The following FAM13C variants were observed in gnomAD, a reference collection of about 807,000 sequenced individuals.
FAM13C encodes the protein protein FAM13C.
A neutral mutation model predicts 73.2 loss-of-function variants in FAM13C; 37 were observed. The observed-to-expected ratio is 0.51, with a 90% confidence interval of 0.39 to 0.67. The LOEUF is 0.67. Ranked by LOEUF, FAM13C falls within the 30% of genes least tolerant of loss-of-function variation. The pLI, the probability that FAM13C is intolerant of heterozygous loss-of-function variation, is 0.00. For missense variants in FAM13C, 589 were observed against 715.6 expected, an observed-to-expected ratio of 0.82 and a Z score of 2.02; for synonymous variants, 246 against 260.9, an observed-to-expected ratio of 0.94 and a Z score of 0.55.
At chr10:59,301,018 T>C (rs773347155) in intron 5 of FAM13C, 2 of 152,234 alleles carry the variant, frequency 1.3e-5, no homozygotes, top group Non-Finnish European at 2.9e-5. Flanking sequence ...GAAATGTTAT[T>C]AGGTGGTTCT....
intron 1 of FAM13C, among the ~76,000 whole-genome samples, chr10:59,358,337 C>A (rs1420293523): frequency 6.6e-6 from 1 of 152,140 alleles, no homozygotes; most frequent in East Asian, 1.9e-4. Flanking sequence ...GGGATCACAC[C>A]ACTGCACTCT....
intron 11 of FAM13C, chr10:59,254,088 A>G (rs1187200183): frequency 1.3e-5 from 5 of 385,408 alleles, no homozygotes; most frequent in Non-Finnish European, 2.3e-5. Flanking sequence ...TTCACCCAAG[A>G]TAATGAAAGC....
At chr10:59,270,196 A>T in intron 6 of FAM13C, 87 bp from the exon 7 acceptor site, 1 of 1,294,610 alleles carries the variant, frequency 7.7e-7, no homozygotes, top group Non-Finnish European at 1.1e-6. Context: ...ATAAGCATTC[A>T]TTATAATGGC....
At chr10:59,327,068 T>C (rs550100394) in intron 3 of FAM13C, among the ~76,000 whole-genome samples, 1 of 152,152 alleles carries the variant, frequency 6.6e-6, no homozygotes, top group Non-Finnish European at 1.5e-5. Context: ...AAAGGTGAAA[T>C]TTTGAACAGA....
chr10:59,333,633 T>G (rs1427993200), intron 3 of FAM13C, among the ~76,000 whole-genome samples: 8 of 152,244 alleles, frequency 5.3e-5, no homozygotes, highest in Admixed American at 5.2e-4. Context: ...TACCATGTTA[T>G]TTTCTGAAAT....
At chr10:59,297,772 T>C (rs562773670) in intron 5 of FAM13C, among the ~76,000 whole-genome samples, 2 of 152,290 alleles carry the variant, frequency 1.3e-5, no homozygotes, top group East Asian at 1.9e-4. Context: ...TATTCTGTCC[T>C]CCTAATTTTA....
intron 6 of FAM13C, among the ~76,000 whole-genome samples, chr10:59,280,701 A>C (rs1349649146): frequency 6.6e-6 from 1 of 152,206 alleles, no homozygotes; most frequent in Non-Finnish European, 1.5e-5. Context: ...AGTATCTAGA[A>C]TACAGTGTCC....
chr10:59,285,545 A>AAAT (rs1198933588), intron 5 of FAM13C, among the ~76,000 whole-genome samples: 3 of 152,232 alleles, frequency 2.0e-5, no homozygotes, highest in Non-Finnish European at 4.4e-5. Context: ...TGGGCTCCCA[A>AAAT]AATATTAAAA....
At chr10:59,340,697 A>G (rs1853378280) in intron 3 of FAM13C, among the ~76,000 whole-genome samples, 2 of 152,030 alleles carry the variant, frequency 1.3e-5, no homozygotes, top group Admixed American at 1.3e-4. Flanking sequence ...CACAGCTGTC[A>G]AAGTCTTTAT....
intron 3 of FAM13C, among the ~76,000 whole-genome samples, chr10:59,343,769 C>A (rs1300477746): frequency 6.6e-6 from 1 of 152,006 alleles, no homozygotes; most frequent in Admixed American, 6.6e-5. Flanking sequence ...TACTGGTGAC[C>A]AATGATGGTT....
intron 3 of FAM13C, among the ~76,000 whole-genome samples, chr10:59,340,162 T>G (rs560747140): frequency 6.6e-6 from 1 of 152,350 alleles, no homozygotes; most frequent in African/African-American, 2.4e-5. Flanking sequence ...AATGAACATT[T>G]CAATTACAGG....
intron 8 of FAM13C, among the ~76,000 whole-genome samples, chr10:59,265,560 A>G (rs956678262): frequency 2.0e-5 from 3 of 152,200 alleles, no homozygotes; most frequent in Admixed American, 6.5e-5. Flanking sequence ...CACCTTGTTG[A>G]ACAATGCTTC....
At chr10:59,331,353 G>A (rs1851940467) in intron 3 of FAM13C, among the ~76,000 whole-genome samples, 1 of 152,210 alleles carries the variant, frequency 6.6e-6, no homozygotes, top group Admixed American at 6.5e-5. Context: ...GAGGCAGAAT[G>A]TATCAAGGCA....
intron 4 of FAM13C, among the ~76,000 whole-genome samples, chr10:59,314,260 C>A (rs527424362): frequency 2.6e-5 from 4 of 152,300 alleles, no homozygotes; most frequent in Admixed American, 2.6e-4. Flanking sequence ...GAAGGATCTC[C>A]TCTCTTATGG....
intron 3 of FAM13C, among the ~76,000 whole-genome samples, chr10:59,348,314 C>T (rs1005631220): frequency 1.3e-5 from 2 of 152,166 alleles, no homozygotes; most frequent in Non-Finnish European, 2.9e-5. Flanking sequence ...CAAGTTGCCC[C>T]AAATAAATCC....
intron 9 of FAM13C, 109 bp downstream of exon 9, chr10:59,263,976 A>G (rs1255913691): frequency 3.1e-6 from 3 of 976,558 alleles, no homozygotes; most frequent in Admixed American, 3.4e-5. Context: ...AGCAGAAAAC[A>G]AGGTGCAAGA....
chr10:59,320,721 C>T (rs901995394), intron 4 of FAM13C, among the ~76,000 whole-genome samples: 1 of 152,214 alleles, frequency 6.6e-6, no homozygotes, highest in Non-Finnish European at 1.5e-5. Flanking sequence ...TTCGTTACAG[C>T]TCGGCGTTTG....
At chr10:59,292,001 G>C (rs1846312741) in intron 5 of FAM13C, among the ~76,000 whole-genome samples, 1 of 152,142 alleles carries the variant, frequency 6.6e-6, no homozygotes, top group Non-Finnish European at 1.5e-5. Context: ...TATTAGCCAG[G>C]ATGGTCTCTA....
At chr10:59,339,147 C>T (rs1176549671) in intron 3 of FAM13C, among the ~76,000 whole-genome samples, 1 of 152,128 alleles carries the variant, frequency 6.6e-6, no homozygotes, top group Admixed American at 6.5e-5. Context: ...TGCTCCTCTA[C>T]TTGTAAGGAC....
Sources: allele counts gnomAD v4.1 joint callset (sites outside exome capture counted in the v4.1 genomes callset), GRCh38; gene constraint gnomAD v4.1.1; transcripts MANE v1.5; gene names NCBI Gene and HGNC (gene_info 2026-07-23, HGNC 2026-07-21).